CNTN4: variants seen among roughly 807,000 people sequenced by gnomAD.
CNTN4 encodes the protein contactin-4.
CNTN4 carries 77 observed loss-of-function variants against 122.5 expected under a neutral mutation model. That is an observed-to-expected ratio of 0.63 (90% CI 0.52 to 0.76). The LOEUF (loss-of-function observed/expected upper bound fraction) is 0.76, where lower values mean the gene tolerates loss of function less well. CNTN4 is among the 30% of genes least tolerant of loss of function. The pLI is 0.00. For synonymous variants in CNTN4, 512 were observed against 447.0 expected (o/e 1.15, Z -1.83); for missense variants, 1,256 against 1,259.1 (o/e 1.00, Z 0.04).
chr3:2,455,277 A>G (rs1196007207), intron 3 of CNTN4, among the ~76,000 whole-genome samples: 7 of 152,128 alleles, frequency 4.6e-5, no homozygotes, highest in Admixed American at 4.6e-4. Context: ...AATAATAACC[A>G]TTATTCTTCA....
intron 20 of CNTN4, 81 bp downstream of exon 20, chr3:3,040,352 T>G: frequency 3.8e-6 from 4 of 1,065,908 alleles, no homozygotes; most frequent in Non-Finnish European, 4.3e-6. Flanking sequence ...TACAATCAAT[T>G]TCGCATGGTA....
chr3:2,250,627 T>C (rs917027655), intron 2 of CNTN4, among the ~76,000 whole-genome samples: 1 of 151,910 alleles, frequency 6.6e-6, no homozygotes, highest in African/African-American at 2.4e-5. Context: ...AACATCACTA[T>C]GTGGGAAATA....
chr3:2,754,548 G>T (rs936449907), intron 6 of CNTN4, among the ~76,000 whole-genome samples: 1 of 152,016 alleles, frequency 6.6e-6, no homozygotes, highest in Admixed American at 6.6e-5. Flanking sequence ...CACCATTCAT[G>T]CCCTACATCT....
intron 2 of CNTN4, among the ~76,000 whole-genome samples, chr3:2,304,755 T>G: frequency 6.6e-6 from 1 of 151,024 alleles, no homozygotes; most frequent in East Asian, 2.0e-4. Context: ...CCACATACAT[T>G]ACAATGGAGA....
Position 2,811,899 on chromosome 3 carries a change from C to A in CNTN4, c.359-7587C>A, listed in dbSNP as rs373859651. Among the ~76,000 whole-genome samples, 5 of 152,278 alleles carry A rather than the reference C, an allele frequency of 3.3e-5. No individual in the cohort carries two copies. The East Asian group carries it at 9.6e-4, about 29-fold the overall frequency. Reference sequence around the variant, plus strand: ...CAGGCTGGTCTCGAACTCCTGACCTCAAGCAATCTGCCTGCCTTGGCCTCC... The same window carrying A: ...CAGGCTGGTCTCGAACTCCTGACCTAAAGCAATCTGCCTGCCTTGGCCTCC... On this transcript the variant is annotated intron_variant, in intron 6 of 24. Transcript: ENST00000418658.
rs113170636 is a variant in CNTN4 at position 2,950,234 on chromosome 3, C to G, written c.1358+24455C>G. Among the ~76,000 whole-genome samples, 384 of 152,370 alleles carry G rather than the reference C, an allele frequency of 2.5e-3. 1 individual carries two copies. The highest frequency in any genetic ancestry group is 4.0e-3 in the Non-Finnish European group (273 of 68,048). On this transcript the variant is annotated intron_variant, in intron 13 of 24. Coordinates refer to ENST00000418658, the MANE Select transcript of CNTN4 (RefSeq NM_175607.3). Reference sequence around the variant, plus strand: ...TGCTGTGTATTCCCACAGGCATGTGCTGACATGGGAGTTGCTGAAATTTGG... The same window carrying G: ...TGCTGTGTATTCCCACAGGCATGTGGTGACATGGGAGTTGCTGAAATTTGG...
At chr3:2,732,340 T>G (rs1008364859) in intron 4 of CNTN4, among the ~76,000 whole-genome samples, 3 of 152,086 alleles carry the variant, frequency 2.0e-5, no homozygotes, top group African/African-American at 7.2e-5. Flanking sequence ...TGAGGTTTGA[T>G]AAAACAAGCA....
intron 11 of CNTN4, among the ~76,000 whole-genome samples, chr3:2,901,846 G>A (rs141282360): frequency 6.6e-6 from 1 of 152,286 alleles, no homozygotes; most frequent in East Asian, 1.9e-4. Context: ...GGGGTACAGA[G>A]GCAATTATGA....
At chr3:3,013,696 G>A (rs1697458340) in intron 14 of CNTN4, among the ~76,000 whole-genome samples, 1 of 151,208 alleles carries the variant, frequency 6.6e-6, no homozygotes. Flanking sequence ...AAATGATTTT[G>A]TAAACTATGG....
At chr3:3,009,177 A>G (rs948125375) in intron 14 of CNTN4, among the ~76,000 whole-genome samples, 1 of 152,166 alleles carries the variant, frequency 6.6e-6, no homozygotes, top group African/African-American at 2.4e-5. Context: ...TGCCATAAAC[A>G]GTGGGCCATG....
chr3:2,881,135 C>T (rs1335256321), intron 8 of CNTN4, among the ~76,000 whole-genome samples: 3 of 152,196 alleles, frequency 2.0e-5, no homozygotes, highest in Middle Eastern at 3.2e-3. Context: ...GACTGTAAGT[C>T]ATCAGACACC....
chr3:2,571,028 C>A (rs1371716192), intron 3 of CNTN4, among the ~76,000 whole-genome samples: 2 of 151,132 alleles, frequency 1.3e-5, no homozygotes, highest in African/African-American at 4.9e-5. Context: ...AGTGTTAAGC[C>A]TATCTTGTTC....
intron 2 of CNTN4, among the ~76,000 whole-genome samples, chr3:2,190,767 G>A (rs1423584698): frequency 6.6e-6 from 1 of 151,414 alleles, no homozygotes; most frequent in East Asian, 1.9e-4. Context: ...TTGCAGCATA[G>A]TGCATACATT....
chr3:2,526,817 GA>G (rs1318968841), intron 3 of CNTN4, among the ~76,000 whole-genome samples: 1 of 151,960 alleles, frequency 6.6e-6, no homozygotes, highest in African/African-American at 2.4e-5. Flanking sequence ...ATATTTTACT[GA>G]AAAAAATTGT....
At chr3:2,626,089 T>A (rs1324467291) in intron 4 of CNTN4, among the ~76,000 whole-genome samples, 2 of 152,198 alleles carry the variant, frequency 1.3e-5, no homozygotes, top group African/African-American at 2.4e-5. Flanking sequence ...CTTTTGCCAG[T>A]TCTCTTGAGT....
chr3:2,624,017 C>A (rs1164525798), intron 4 of CNTN4, among the ~76,000 whole-genome samples: 1 of 152,166 alleles, frequency 6.6e-6, no homozygotes, highest in Non-Finnish European at 1.5e-5. Context: ...TTACCACTAC[C>A]AGAAGTAACT....
chr3:2,763,238 C>T (rs1474670634), intron 6 of CNTN4, among the ~76,000 whole-genome samples: 5 of 152,188 alleles, frequency 3.3e-5, no homozygotes, highest in East Asian at 1.9e-4. Flanking sequence ...AGCCACCACA[C>T]GCAGCTGATG....
At chr3:2,443,585 C>G (rs939592765) in intron 3 of CNTN4, among the ~76,000 whole-genome samples, 2 of 152,082 alleles carry the variant, frequency 1.3e-5, no homozygotes, top group Non-Finnish European at 2.9e-5. Flanking sequence ...TCACAATAGT[C>G]CAATAAGAAA....
At chr3:2,722,834 A>G (rs928440726) in intron 4 of CNTN4, among the ~76,000 whole-genome samples, 49 of 152,304 alleles carry the variant, frequency 3.2e-4, no homozygotes, top group African/African-American at 1.1e-3. Context: ...CCCCTCTTTT[A>G]TAATGTTTTC....
Sources: gnomAD v4.1 joint callset for allele counts (sites outside exome capture counted in the v4.1 genomes callset) on GRCh38, gnomAD v4.1.1 for gene constraint, MANE v1.5 for transcripts, NCBI Gene and HGNC (gene_info 2026-07-23, HGNC 2026-07-21) for gene names.